The following GLB1L3 variants were observed in gnomAD, a reference collection of about 807,000 sequenced individuals.
GLB1L3 encodes the protein beta-galactosidase-1-like protein 3.
A neutral mutation model predicts 89.5 loss-of-function variants in GLB1L3; 89 were observed. The ratio of observed to expected loss-of-function variants is 0.99; its 90% CI spans 0.84 to 1.19. The LOEUF is 1.19. Ranked by LOEUF, GLB1L3 falls within the 50% of genes most tolerant of loss-of-function variation. The probability of loss-of-function intolerance (pLI) is 0.00; values close to 1 mark genes in which losing one functional copy is unlikely to be tolerated. For synonymous variants in GLB1L3, 314 were observed against 312.3 expected (o/e 1.01, Z -0.06); for missense variants, 812 against 813.3 (o/e 1.00, Z 0.02).
intron 9 of GLB1L3, among the ~76,000 whole-genome samples, chr11:134,304,915 T>TTTA (rs2136188724): frequency 6.6e-6 from 1 of 152,332 alleles, no homozygotes; most frequent in South Asian, 2.1e-4. Context: ...TTGTTTCTTT[T>TTTA]TTATTATTAC....
intron 9 of GLB1L3, among the ~76,000 whole-genome samples, chr11:134,301,922 A>G (rs537779247): frequency 1.3e-5 from 2 of 152,320 alleles, no homozygotes; most frequent in East Asian, 1.9e-4. Flanking sequence ...CTGGTCAGAA[A>G]ACATACTCTG....
At chr11:134,301,597 AT>A (rs1163602529) in intron 9 of GLB1L3, among the ~76,000 whole-genome samples, 1 of 152,068 alleles carries the variant, frequency 6.6e-6, no homozygotes, top group African/African-American at 2.4e-5. Flanking sequence ...TTGCAAATTA[AT>A]TTCAATTTCA....
intron 3 of GLB1L3, among the ~76,000 whole-genome samples, chr11:134,279,707 CCTTT>C (rs567469412): frequency 4.3e-4 from 65 of 152,236 alleles, no homozygotes; most frequent in Middle Eastern, 6.8e-3. Context: ...AGAAATTTTT[CCTTT>C]CTTTCCTGTA....
chr11:134,305,713 GCAA>G (rs1011105190), intron 9 of GLB1L3, among the ~76,000 whole-genome samples: 1 of 151,978 alleles, frequency 6.6e-6, no homozygotes, highest in Non-Finnish European at 1.5e-5. Flanking sequence ...GTTAATTCAG[GCAA>G]CAAAATAGAG....
At position 134,308,520 on chromosome 11, in the gene GLB1L3, TGTC is replaced by T. The variant is rs1440844699; in HGVS notation, c.962-1105_962-1103del. 1.5e-3 allele frequency among the ~76,000 whole-genome samples: 39 copies of T among 25,316 alleles called. 2 individuals are homozygous for T. Among genetic ancestry groups the T allele is most frequent in the Middle Eastern group, 0.029 (1 of 34 alleles). The allele number at this position is 25,316 out of a possible 152,430, so 16.6% of individuals were successfully genotyped here. A position where few individuals can be genotyped will look rare whatever the true frequency, so the allele number is the denominator to read the frequency against. The stretch of plus-strand genomic sequence containing the variant: ...CCAAATACCACCACCACCACCACCA[TGTC>T]CACCACCACTACCACCACCATCACC... On this transcript the variant is annotated intron_variant, in intron 10 of 19. Coordinates refer to ENST00000431683, the MANE Select transcript of GLB1L3 (RefSeq NM_001080407.3).
intron 6 of GLB1L3, chr11:134,287,216 G>C (rs906743630): frequency 2.6e-5 from 4 of 152,238 alleles, no homozygotes; most frequent in Non-Finnish European, 4.4e-5. Flanking sequence ...TTTACCAGAA[G>C]CACAAATGCC....
intron 6 of GLB1L3, among the ~76,000 whole-genome samples, chr11:134,288,152 G>C (rs375635770): frequency 2.6e-5 from 4 of 152,356 alleles, no homozygotes; most frequent in Admixed American, 6.5e-5. Context: ...TGGATGGCAG[G>C]ATGGGCTGGA....
At chr11:134,308,506 C>CACCACCAAAT (rs1942494668) in intron 10 of GLB1L3, among the ~76,000 whole-genome samples, 2 of 47,092 alleles carry the variant, frequency 4.2e-5, no homozygotes, top group Non-Finnish European at 9.2e-5. Context: ...CAAATACCAC[C>CACCACCAAAT]ACCACCACCA....
At chr11:134,284,435 A>T (rs1281986199) in intron 6 of GLB1L3, among the ~76,000 whole-genome samples, 1 of 152,132 alleles carries the variant, frequency 6.6e-6, no homozygotes, top group Non-Finnish European at 1.5e-5. Context: ...AATTCATTTA[A>T]CAGGTATTCA....
rs528641071 is a variant in GLB1L3 at position 134,309,732 on chromosome 11, C to T, written c.1068C>T (p.Phe356=). The T allele has an allele frequency of 2.2e-5, 36 of 1,613,318 alleles. No homozygotes were observed. The highest frequency in any genetic ancestry group is 1.6e-4 in the Middle Eastern group (1 of 6,084). Residue 356 remains phenylalanine (F), a synonymous_variant, in exon 11 of 20, where the codon TTC becomes TTT. Coordinates refer to ENST00000431683, the MANE Select transcript of GLB1L3 (RefSeq NM_001080407.3). ...GTTTCATGAACGGGGCCACATATTT[C>T]GGGAAGCACTCGGGCATTGTCACCA... ...NFGFMNGATY[F]GKHSGIVTSY...
chr11:134,323,818 A>G (rs1467388325), downstream of GLB1L3, among the ~76,000 whole-genome samples: 1 of 152,172 alleles, frequency 6.6e-6, no homozygotes, highest in African/African-American at 2.4e-5. Flanking sequence ...AAGCTTTTTA[A>G]AAAGCATGTT....
At chr11:134,287,250 G>A (rs1182562665) in intron 6 of GLB1L3, 2 of 152,230 alleles carry the variant, frequency 1.3e-5, no homozygotes, top group Non-Finnish European at 2.9e-5. Context: ...TGTATGCAAC[G>A]AGGAAAGCTA....
In GLB1L3 at chr11:134,319,005, A is replaced by G. The variant is rs1943103251; in HGVS notation, c.*63A>G. On this transcript the variant is annotated 3_prime_UTR_variant, in exon 20 of 20. Transcript: ENST00000431683. ...AGTCTCACTTTGTCGCCCAGGCTGGAGTGCAGTGGCACAATCTCTGCTCAC... is the reference window on the plus strand; with the variant it reads ...AGTCTCACTTTGTCGCCCAGGCTGGGGTGCAGTGGCACAATCTCTGCTCAC... 1 of 1,166,878 alleles carries G rather than the reference A, an allele frequency of 8.6e-7. No homozygotes were observed. The highest frequency in any genetic ancestry group is 1.2e-5 in the South Asian group (1 of 80,756). 72.3% of individuals were successfully genotyped at this position (1,166,878 alleles called of 1,614,324 possible). A position where few individuals can be genotyped will look rare whatever the true frequency, so the allele number is the denominator to read the frequency against.
chr11:134,297,856 T>C (rs1941731984), intron 9 of GLB1L3, among the ~76,000 whole-genome samples: 1 of 19,310 alleles, frequency 5.2e-5, no homozygotes, highest in Non-Finnish European at 1.5e-4. Flanking sequence ...GGAGACTCTG[T>C]CTCAAAAAAA....
chr11:134,276,887 A>AC, intron 1 of GLB1L3, 124 bp downstream of exon 1: 2 of 868,596 alleles, frequency 2.3e-6, no homozygotes, highest in Admixed American at 4.4e-5. Context: ...GGGCCGCGCC[A>AC]CCAAGCCCGC....
At chr11:134,305,220 C>T in intron 9 of GLB1L3, 1 of 865,882 alleles carries the variant, frequency 1.2e-6, no homozygotes, top group East Asian at 2.6e-5. Context: ...TCCTTCTAAG[C>T]TTCTGATGCA....
intron 9 of GLB1L3, among the ~76,000 whole-genome samples, chr11:134,293,624 G>C (rs551087175): frequency 6.6e-6 from 1 of 152,218 alleles, no homozygotes; most frequent in Admixed American, 6.5e-5. Flanking sequence ...GATTTAAGAC[G>C]TGGATTGAGC....
chr11:134,287,154 C>G (rs553033459), intron 6 of GLB1L3: 17 of 152,348 alleles, frequency 1.1e-4, no homozygotes, highest in African/African-American at 4.1e-4. Context: ...GAGTGAGACT[C>G]CGTCTCGAAA....
chr11:134,311,158 C>A lies in GLB1L3; in HGVS notation c.1275C>A (p.Ser425=). ...ACCTCCCGCTGTGGGACGCCCTATC[C>A]TACTTAAATGAGGTGCGTGCTGCCT... ...SLYLPLWDAL[S]YLNEPVRSRQ... Residue 425 remains serine (S), a synonymous_variant, in exon 13 of 20, where the codon TCC becomes TCA. Transcript: ENST00000431683. 1 of 1,613,282 alleles carries A rather than the reference C, an allele frequency of 6.2e-7. No homozygotes were observed. The highest frequency in any genetic ancestry group is 8.5e-7 in the Non-Finnish European group (1 of 1,179,270).
Sources: gnomAD v4.1 joint callset for allele counts (sites outside exome capture counted in the v4.1 genomes callset) on GRCh38, gnomAD v4.1.1 for gene constraint, MANE v1.5 for transcripts, NCBI Gene and HGNC (gene_info 2026-07-23, HGNC 2026-07-21) for gene names.